TENM2: variants seen among roughly 807,000 people sequenced by gnomAD.
The protein encoded by TENM2 is teneurin-2.
TENM2 carries 52 observed loss-of-function variants against 245.2 expected under a neutral mutation model. That is an observed-to-expected ratio of 0.21 (90% CI 0.17 to 0.27). TENM2 has a LOEUF of 0.27. Ranked by LOEUF, TENM2 falls within the 10% of genes least tolerant of loss-of-function variation. The probability of loss-of-function intolerance (pLI) is 1.00; values close to 1 mark genes in which losing one functional copy is unlikely to be tolerated. For missense variants in TENM2, 3,046 were observed against 3,666.8 expected (o/e 0.83, Z 4.37); for synonymous variants, 1,363 against 1,438.9 (o/e 0.95, Z 1.19).
the TENM2 span, among the ~76,000 whole-genome samples, chr5:167,186,104 A>C: frequency 6.6e-6 from 1 of 152,164 alleles, no homozygotes; most frequent in African/African-American, 2.4e-5. Context: ...ATGGCCCAGA[A>C]TGTGGCTTTT....
At chr5:168,034,139 ACATATATATGTG>A (rs1562077653) in intron 5 of TENM2, among the ~76,000 whole-genome samples, 23 of 101,276 alleles carry the variant, frequency 2.3e-4, no homozygotes, top group African/African-American at 5.2e-4. Flanking sequence ...ATATATGTAT[ACATATATATGTG>A]TATATATATA....
chr5:167,983,571 C>T (rs562470781), intron 4 of TENM2, among the ~76,000 whole-genome samples: 1 of 152,252 alleles, frequency 6.6e-6, no homozygotes, highest in South Asian at 2.1e-4. Context: ...CCTTGAAAGC[C>T]TATTTTTTTC....
At chr5:167,582,503 C>T (rs1015210345) in intron 2 of TENM2, among the ~76,000 whole-genome samples, 5 of 151,762 alleles carry the variant, frequency 3.3e-5, no homozygotes, top group African/African-American at 1.2e-4. Context: ...TAGATGAGAC[C>T]CAGAGATCCT....
chr5:167,542,730 G>T (rs550867830), intron 2 of TENM2, among the ~76,000 whole-genome samples: 67 of 151,608 alleles, frequency 4.4e-4, no homozygotes, highest in African/African-American at 8.5e-4. Context: ...GTATTTTCTG[G>T]TTTTTTTTCT....
rs199542750 is a variant in TENM2 at position 167,920,346 on chromosome 5, A to AG, written c.713-32242_713-32241insG. Among the ~76,000 whole-genome samples the AG allele has an allele frequency of 8.9e-3, 1,349 of 151,140 alleles. 48 individuals carry two copies. Among genetic ancestry groups the AG allele is most frequent in the African/African-American group, 0.031 (1,253 of 40,826 alleles). On this transcript the variant is annotated intron_variant, in intron 3 of 28. Coordinates refer to ENST00000518659, the Ensembl canonical transcript of TENM2. The stretch of plus-strand genomic sequence containing the variant: ...GTCTCTACTTAAAAAAAAAAGAAAA[A>AG]AAAAGAAAAAAAAAATCAAAAGTTA...
At chr5:167,782,383 T>C (rs1764258290) in intron 2 of TENM2, among the ~76,000 whole-genome samples, 1 of 146,224 alleles carries the variant, frequency 6.8e-6, no homozygotes, top group Non-Finnish European at 1.5e-5. Context: ...CTGTTAATAA[T>C]AGAGCTCATT....
intron 4 of TENM2, 78 bp from the exon 7 acceptor site, chr5:167,992,866 G>C (rs1783771911): frequency 9.0e-7 from 1 of 1,111,152 alleles, no homozygotes; most frequent in Admixed American, 1.8e-5. Context: ...ACTAGATAGA[G>C]CAGAGTGGAA....
intron 3 of TENM2, among the ~76,000 whole-genome samples, chr5:167,887,649 C>A (rs1462021788): frequency 6.6e-6 from 1 of 152,188 alleles, no homozygotes; most frequent in African/African-American, 2.4e-5. Context: ...TAGCTGCTGT[C>A]CTGAGTTGAT....
At chr5:167,429,143 G>A (rs1177072747) in intron 2 of TENM2, among the ~76,000 whole-genome samples, 2 of 152,076 alleles carry the variant, frequency 1.3e-5, no homozygotes, top group Non-Finnish European at 2.9e-5. Context: ...TTTGCAATGA[G>A]CCATTTTCTC....
chr5:167,007,345 T>C, the TENM2 span, among the ~76,000 whole-genome samples: 2 of 152,366 alleles, frequency 1.3e-5, no homozygotes, highest in Admixed American at 6.5e-5. This position sits in a 1 kb window ranked among gnomAD's most constrained non-coding sequence, Gnocchi z 4.2. Flanking sequence ...AATCTGAGTC[T>C]TTCCAATCTA....
At chr5:167,578,940 G>C (rs559489100) in intron 2 of TENM2, among the ~76,000 whole-genome samples, 30 of 152,330 alleles carry the variant, frequency 2.0e-4, no homozygotes, top group African/African-American at 7.2e-4. Context: ...TAAGTAGAGT[G>C]TCATGCTTTT....
At position 167,516,561 on chromosome 5, in the gene TENM2, G is replaced by A. The variant is rs368481927; in HGVS notation, c.502+141088G>A. 5.8e-4 allele frequency among the ~76,000 whole-genome samples: 88 copies of A among 152,216 alleles called. 1 individual carries two copies. The East Asian group carries it at 0.012, about 20-fold the overall frequency. The stretch of plus-strand genomic sequence containing the variant: ...TATATATTTGCATATATACAAAGAC[G>A]TGGATGTCCTTTTAAATTATACCCA... On this transcript the variant is annotated intron_variant, in intron 2 of 28. Coordinates refer to ENST00000518659, the Ensembl canonical transcript of TENM2.
chr5:167,304,755 T>G (rs1755566174), intron 1 of TENM2, among the ~76,000 whole-genome samples: 1 of 152,202 alleles, frequency 6.6e-6, no homozygotes, highest in Non-Finnish European at 1.5e-5. Context: ...GGTTGAATTT[T>G]TTTGTTGCTG....
At chr5:168,259,592 A>C (rs1182447319) in intron 27 of TENM2, among the ~76,000 whole-genome samples, 2 of 152,098 alleles carry the variant, frequency 1.3e-5, no homozygotes, top group Non-Finnish European at 2.9e-5. Flanking sequence ...CATCTCAAAA[A>C]AAAAGAGAGT....
intron 1 of TENM2, 103 bp from the exon 4 acceptor site, chr5:167,375,095 A>G (rs2127310900): frequency 1.7e-6 from 2 of 1,164,972 alleles, no homozygotes; most frequent in East Asian, 2.6e-5. Flanking sequence ...AATTTGATGT[A>G]TCTGTCAGAT....
At chr5:167,944,965 T>G (rs1039069818) in intron 3 of TENM2, among the ~76,000 whole-genome samples, 2 of 152,134 alleles carry the variant, frequency 1.3e-5, no homozygotes, top group South Asian at 2.1e-4. Flanking sequence ...ATCTCCCTGT[T>G]AAAGGAGCCC....
chr5:167,573,904 A>G (rs962249089), intron 2 of TENM2: 1 of 151,766 alleles, frequency 6.6e-6, no homozygotes, highest in African/African-American at 2.4e-5. Flanking sequence ...AGAAAAAAAA[A>G]GAAAGAAAAA....
At chr5:167,715,500 A>G (rs1759197385) in intron 2 of TENM2, among the ~76,000 whole-genome samples, 1 of 152,176 alleles carries the variant, frequency 6.6e-6, no homozygotes, top group Non-Finnish European at 1.5e-5. Flanking sequence ...TATCATTTTC[A>G]ATTGTTTTAA....
the TENM2 span, among the ~76,000 whole-genome samples, chr5:167,169,076 A>T: frequency 6.6e-6 from 1 of 152,158 alleles, no homozygotes; most frequent in Non-Finnish European, 1.5e-5. Context: ...TGGGTTTAAT[A>T]ATAACAGTAA....
Sources: allele counts gnomAD v4.1 joint callset (sites outside exome capture counted in the v4.1 genomes callset), GRCh38; gene constraint gnomAD v4.1.1; non-coding constraint Gnocchi (gnomAD v3.1); transcripts MANE v1.5; gene names NCBI Gene and HGNC (gene_info 2026-07-23, HGNC 2026-07-21).